Variants in PEBP4 observed in about 807,000 individuals in gnomAD.
PEBP4 encodes the protein phosphatidylethanolamine binding protein 4.
A neutral mutation model predicts 23.9 loss-of-function variants in PEBP4; 22 were observed. The ratio of observed to expected loss-of-function variants is 0.92; its 90% CI spans 0.66 to 1.31. PEBP4 has a LOEUF of 1.31. Ranked by LOEUF, PEBP4 falls within the 40% of genes most tolerant of loss-of-function variation. The probability of loss-of-function intolerance (pLI) is 0.00; values close to 1 mark genes in which losing one functional copy is unlikely to be tolerated. For missense variants in PEBP4, 324 were observed against 281.7 expected (o/e 1.15, Z -1.07); for synonymous variants, 112 against 99.3 (o/e 1.13, Z -0.76).
In PEBP4 at chr8:22,806,803, C is replaced by A. The variant is rs527250887; in HGVS notation, c.357+10834G>T. 2.0e-5 allele frequency among the ~76,000 whole-genome samples: 3 copies of A among 152,260 alleles called. No individual in the cohort carries two copies. In the South Asian group the frequency reaches 6.2e-4, roughly 32 times the overall value. On this transcript the variant is annotated intron_variant, in intron 4 of 6. Transcript: ENST00000256404. ...TGAAGCAACATCTCTCCCCCTTGGC[C>A]AAAAGGTTACCACAATTGACTTGTT...
At chr8:22,874,598 AAGTC>A (rs1365314185) in intron 3 of PEBP4, among the ~76,000 whole-genome samples, 9 of 152,180 alleles carry the variant, frequency 5.9e-5, no homozygotes, top group African/African-American at 1.9e-4. Context: ...AGAAAGAAAA[AAGTC>A]AGCAAATTAA....
chr8:22,765,588 G>C (rs1024749266), intron 4 of PEBP4, among the ~76,000 whole-genome samples: 1 of 152,222 alleles, frequency 6.6e-6, no homozygotes, highest in Non-Finnish European at 1.5e-5. Flanking sequence ...GCCAAAGCTA[G>C]CATAATAGAA....
At chr8:22,833,294 G>A (rs557883394) in intron 3 of PEBP4, among the ~76,000 whole-genome samples, 1 of 152,294 alleles carries the variant, frequency 6.6e-6, no homozygotes, top group African/African-American at 2.4e-5. Flanking sequence ...CCTATCTGGA[G>A]TCTACAGGAA....
Position 22,775,167 on chromosome 8 carries a change from A to G in PEBP4, c.357+42470T>C, listed in dbSNP as rs1805790246. On this transcript the variant is annotated intron_variant, in intron 4 of 6. Coordinates refer to ENST00000256404, the MANE Select transcript of PEBP4 (RefSeq NM_144962.3). This position sits in a 1 kb window ranked among gnomAD's most constrained non-coding sequence, Gnocchi z 4.8. ...GGGCCCCAAGTTCTCTTCTAAGGTC[A>G]TGTTCTAGGTTTTAGGGCTCCCCTC... is the stretch of plus-strand genomic sequence containing the variant. Among the ~76,000 whole-genome samples the G allele has an allele frequency of 6.6e-6, 1 of 152,148 alleles. No individual in the cohort carries two copies. Among genetic ancestry groups the G allele is most frequent in the Non-Finnish European group, 1.5e-5 (1 of 68,014 alleles).
intron 3 of PEBP4, among the ~76,000 whole-genome samples, chr8:22,866,959 C>A (rs1258469166): frequency 6.6e-6 from 1 of 152,064 alleles, no homozygotes; most frequent in African/African-American, 2.4e-5. Flanking sequence ...ACTTTGTACC[C>A]CAGCTGTGCA....
intron 3 of PEBP4, among the ~76,000 whole-genome samples, chr8:22,913,738 T>C (rs1809000606): frequency 6.6e-6 from 1 of 152,226 alleles, no homozygotes; most frequent in South Asian, 2.1e-4. Flanking sequence ...GGAATGAGCA[T>C]TTCCAGTCGA....
intron 4 of PEBP4, among the ~76,000 whole-genome samples, chr8:22,790,538 A>C (rs185684938): frequency 6.6e-6 from 1 of 152,182 alleles, no homozygotes; most frequent in East Asian, 1.9e-4. Context: ...CAGGGGCAGA[A>C]AACACCAGGG....
chr8:22,875,535 T>A (rs1808102188), intron 3 of PEBP4, among the ~76,000 whole-genome samples: 1 of 152,212 alleles, frequency 6.6e-6, no homozygotes, highest in Non-Finnish European at 1.5e-5. Flanking sequence ...CCTTTTTATT[T>A]TTTTATTAAA....
chr8:22,809,059 C>T (rs1011385080), intron 4 of PEBP4, among the ~76,000 whole-genome samples: 1 of 152,044 alleles, frequency 6.6e-6, no homozygotes, highest in Non-Finnish European at 1.5e-5. Context: ...TTTGTACCAT[C>T]GAAGGCTCGA....
At chr8:22,788,334 G>A (rs754210382) in intron 4 of PEBP4, among the ~76,000 whole-genome samples, 4 of 152,098 alleles carry the variant, frequency 2.6e-5, no homozygotes, top group African/African-American at 9.7e-5. Context: ...AGGGAAAGAC[G>A]AATGAGAAGA....
At chr8:22,777,576 C>T (rs150164764) in intron 4 of PEBP4, among the ~76,000 whole-genome samples, 1 of 152,154 alleles carries the variant, frequency 6.6e-6, no homozygotes, top group Non-Finnish European at 1.5e-5. Flanking sequence ...ACACTTACCC[C>T]CTGGCTGCCA....
At chr8:22,743,039 C>T (rs953306026) in intron 4 of PEBP4, among the ~76,000 whole-genome samples, 2 of 152,118 alleles carry the variant, frequency 1.3e-5, no homozygotes, top group African/African-American at 2.4e-5. Context: ...TTGGGGCAGG[C>T]GGTGAAGGGC....
chr8:22,784,533 C>A (rs1215756364), intron 4 of PEBP4, among the ~76,000 whole-genome samples: 1 of 152,238 alleles, frequency 6.6e-6, no homozygotes, highest in South Asian at 2.1e-4. Context: ...CTGTAGCCAA[C>A]CTCCCGACCT....
chr8:22,722,630 T>G (rs1306048011), intron 6 of PEBP4, among the ~76,000 whole-genome samples: 2 of 152,234 alleles, frequency 1.3e-5, no homozygotes, highest in Non-Finnish European at 2.9e-5. Flanking sequence ...CAAAGTAGAC[T>G]GTAAGCCACT....
intron 3 of PEBP4, among the ~76,000 whole-genome samples, chr8:22,853,061 C>A (rs954726621): frequency 1.3e-5 from 2 of 152,234 alleles, no homozygotes; most frequent in Non-Finnish European, 2.9e-5. Flanking sequence ...ACCTCCAGCC[C>A]CCATCTTGGG....
At chr8:22,921,638 G>A (rs1809203738) in intron 2 of PEBP4, among the ~76,000 whole-genome samples, 1 of 152,256 alleles carries the variant, frequency 6.6e-6, no homozygotes, top group Admixed American at 6.5e-5. Flanking sequence ...CCCAGTGCCA[G>A]AAGTCACATG....
At chr8:22,727,882 C>T (rs1404265295) in intron 4 of PEBP4, among the ~76,000 whole-genome samples, 1 of 152,120 alleles carries the variant, frequency 6.6e-6, no homozygotes, top group Non-Finnish European at 1.5e-5. Flanking sequence ...CTCCCCTCCA[C>T]TCAGTGTCTA....
intron 4 of PEBP4, among the ~76,000 whole-genome samples, chr8:22,728,680 C>A (rs1034624795): frequency 6.6e-6 from 1 of 151,600 alleles, no homozygotes; most frequent in East Asian, 1.9e-4. Context: ...TCACTGCAAC[C>A]TCCGCCTCCC....
chr8:22,940,024 C>A (rs1809588582), intron 1 of PEBP4, among the ~76,000 whole-genome samples: 1 of 152,238 alleles, frequency 6.6e-6, no homozygotes, highest in Admixed American at 6.5e-5. Flanking sequence ...GTGCCTCAGG[C>A]AATCACCTGC....
Sources: gnomAD v4.1 joint callset for allele counts (sites outside exome capture counted in the v4.1 genomes callset) on GRCh38, gnomAD v4.1.1 for gene constraint, Gnocchi (gnomAD v3.1) non-coding constraint, MANE v1.5 for transcripts, NCBI Gene and HGNC (gene_info 2026-07-23, HGNC 2026-07-21) for gene names.